The following NUFIP2 variants were observed in gnomAD, a reference collection of about 807,000 sequenced individuals.
NUFIP2 encodes nuclear FMR1 interacting protein 2, also known as FMR1-interacting protein NUFIP2.
In NUFIP2, 6 loss-of-function variants were observed where a neutral mutation model predicts 56.9. That is an observed-to-expected ratio of 0.11 (90% CI 0.06 to 0.21). The LOEUF (loss-of-function observed/expected upper bound fraction) is 0.21, where lower values mean the gene tolerates loss of function less well. Ranked by LOEUF, NUFIP2 falls within the 10% of genes least tolerant of loss-of-function variation. The probability of loss-of-function intolerance (pLI) is 1.00; values close to 1 mark genes in which losing one functional copy is unlikely to be tolerated. For missense variants in NUFIP2, 828 were observed against 826.8 expected, an observed-to-expected ratio of 1.00 and a Z score of -0.02; for synonymous variants, 321 against 298.2, an observed-to-expected ratio of 1.08 and a Z score of -0.79.
At chr17:29,290,052 T>C (rs2069201340) in intron 1 of NUFIP2, among the ~76,000 whole-genome samples, 1 of 152,044 alleles carries the variant, frequency 6.6e-6, no homozygotes, top group Non-Finnish European at 1.5e-5. Context: ...GTAGCTGGGA[T>C]TACAGGCATG....
intron 2 of NUFIP2, among the ~76,000 whole-genome samples, chr17:29,278,591 C>T (rs1248761509): frequency 1.5e-4 from 3 of 20,480 alleles, no homozygotes; most frequent in East Asian, 0.011. Context: ...AATGAAACTG[C>T]TACTACTATG....
At chr17:29,283,483 T>C (rs930901348) in intron 2 of NUFIP2, among the ~76,000 whole-genome samples, 1 of 151,956 alleles carries the variant, frequency 6.6e-6, no homozygotes. Flanking sequence ...GGACTACACA[T>C]TGTTGCCCAG....
chr17:29,274,205 G>A (rs1326329772), intron 2 of NUFIP2, among the ~76,000 whole-genome samples: 5 of 152,156 alleles, frequency 3.3e-5, no homozygotes, highest in African/African-American at 9.7e-5. Context: ...TTTTAATGAG[G>A]GCCTGTGGTG....
Position 29,294,090 on chromosome 17 carries a change from T to C in NUFIP2, c.-31A>G, listed in dbSNP as rs1394176950. ...GCGGCTGGGACTCCCTGGCTGAGGC[T>C]GCGGGCTGCTGCACCGTCAGGATCT... On this transcript the variant is annotated 5_prime_UTR_variant, in exon 1 of 4. Transcript: ENST00000225388. 1.9e-6 allele frequency: 3 copies of C among 1,568,390 alleles called. No individual in the cohort carries two copies. Among genetic ancestry groups the C allele is most frequent in the Non-Finnish European group, 2.6e-6 (3 of 1,155,762 alleles).
chr17:29,289,925 A>G (rs577484736), intron 1 of NUFIP2, among the ~76,000 whole-genome samples: 1 of 152,036 alleles, frequency 6.6e-6, no homozygotes, highest in East Asian at 1.9e-4. Context: ...TATAACAGTT[A>G]TTTTTTTTCT....
chr17:29,264,479 G>A lies in NUFIP2; in HGVS notation c.*60C>T. ...AGATCTAGGAGCATAAAAGCCTTGT[G>A]TCCCCCATGAACGATGGCTCTAATG... On this transcript the variant is annotated 3_prime_UTR_variant, in exon 4 of 4. Coordinates refer to ENST00000225388, the MANE Select transcript of NUFIP2 (RefSeq NM_020772.3). 2.6e-6 allele frequency: 3 copies of A among 1,133,522 alleles called. No individual in the cohort carries two copies. The highest frequency in any genetic ancestry group is 2.7e-5 in the South Asian group (2 of 74,978). The allele number at this position is 1,133,522 out of a possible 1,614,324, so 70.2% of individuals were successfully genotyped here.
rs1352820074 is a variant in NUFIP2 at position 29,286,269 on chromosome 17, A to C, written c.1725T>G (p.Val575=). ...TCCCAGATTTTAGAATGCTACCCAG[A>C]ACTTGAGGACTAGTCCGTTTCTCCA... The part of the protein sequence containing the change: ...YELEKRTSPQ[V]LGSILKSGTT... The change falls in exon 2 of 4, where the codon GTT becomes GTG. Residue 575 remains valine (V), a synonymous_variant. Transcript: ENST00000225388. The C allele has an allele frequency of 6.2e-7, 1 of 1,614,080 alleles. No individual in the cohort carries two copies. The highest frequency in any genetic ancestry group is 8.5e-7 in the Non-Finnish European group (1 of 1,180,052).
At chr17:29,284,706 C>CAAAAA (rs66700326) in intron 2 of NUFIP2, among the ~76,000 whole-genome samples, 4 of 53,612 alleles carry the variant, frequency 7.5e-5, no homozygotes, top group African/African-American at 1.6e-4. Flanking sequence ...GACTCCATCT[C>CAAAAA]AAAAAAAAAA....
intron 1 of NUFIP2, among the ~76,000 whole-genome samples, chr17:29,292,883 G>GA (rs1324921631): frequency 6.9e-6 from 1 of 144,552 alleles, no homozygotes; most frequent in African/African-American, 2.5e-5. Flanking sequence ...GCCGGCGACG[G>GA]GGGGGGGGGC....
rs745897195 is a variant in NUFIP2, at chr17:29,287,159, TGGGCTTCGA to T, written c.826_834del (p.Ser276_Pro278del). Reference sequence around the variant, plus strand: ...CCAGGCCCAGTTTCATACTTCCAAATGGGCTTCGAACCATCTACTCGATTTCCCTTTTGT... The same window carrying T: ...CCAGGCCCAGTTTCATACTTCCAAATACCATCTACTCGATTTCCCTTTTGT... On this transcript the variant is annotated inframe_deletion, in exon 2 of 4. Coordinates refer to ENST00000225388, the MANE Select transcript of NUFIP2 (RefSeq NM_020772.3). 5 of 1,614,210 alleles carry T rather than the reference TGGGCTTCGA, an allele frequency of 3.1e-6. No individual in the cohort carries two copies. Among genetic ancestry groups the T allele is most frequent in the Admixed American group, 1.7e-5 (1 of 60,010 alleles).
At position 29,263,439 on chromosome 17, in the gene NUFIP2, G is replaced by A. The variant is rs1313441090; in HGVS notation, c.*1100C>T. On this transcript the variant is annotated 3_prime_UTR_variant, in exon 4 of 4. Coordinates refer to ENST00000225388, the MANE Select transcript of NUFIP2 (RefSeq NM_020772.3). ...ATGAAAACACACCTTCTACAGTCAG[G>A]GTTTATTATCTTCTCACTGGCTAAA... 1 of 152,300 alleles carries A rather than the reference G, an allele frequency of 6.6e-6. No individual in the cohort carries two copies. The highest frequency in any genetic ancestry group is 1.5e-5 in the Non-Finnish European group (1 of 67,950). 9.4% of individuals were successfully genotyped at this position (152,300 alleles called of 1,614,324 possible).
At chr17:29,289,428 A>G (rs2069197504) in intron 1 of NUFIP2, among the ~76,000 whole-genome samples, 1 of 152,130 alleles carries the variant, frequency 6.6e-6, no homozygotes, top group African/African-American at 2.4e-5. Flanking sequence ...CCCCGTCTCT[A>G]CTAAAAATAC....
At chr17:29,272,387 C>G (rs1447327480) in intron 2 of NUFIP2, among the ~76,000 whole-genome samples, 1 of 151,866 alleles carries the variant, frequency 6.6e-6, no homozygotes, top group Non-Finnish European at 1.5e-5. Flanking sequence ...ACTACAGGCG[C>G]ATGCCACCAA....
chr17:29,282,539 C>T (rs1375559481), intron 2 of NUFIP2, among the ~76,000 whole-genome samples: 1 of 150,330 alleles, frequency 6.7e-6, no homozygotes, highest in Non-Finnish European at 1.5e-5. Context: ...CAGAGCAAGA[C>T]CCCATCTCAA....
At chr17:29,293,318 C>T (rs896185513) in intron 1 of NUFIP2, among the ~76,000 whole-genome samples, 2 of 151,788 alleles carry the variant, frequency 1.3e-5, no homozygotes. Flanking sequence ...CTCACCCTAC[C>T]TACCCACTCC....
At position 29,293,448 on chromosome 17, in the gene NUFIP2, T is replaced by C. The variant is rs116795398; in HGVS notation, c.277+335A>G. On this transcript the variant is annotated intron_variant, in intron 1 of 3. Coordinates refer to ENST00000225388, the MANE Select transcript of NUFIP2 (RefSeq NM_020772.3). ...TTTACCCCATCTCAGGGCCCCCAAA[T>C]TGAGGTAACTCCAGGGACGCAGGGA... 3.0e-3 allele frequency among the ~76,000 whole-genome samples: 456 copies of C among 152,122 alleles called. 1 individual carries two copies. The highest frequency in any genetic ancestry group is 0.011 in the African/African-American group (447 of 41,530).
intron 3 of NUFIP2, among the ~76,000 whole-genome samples, chr17:29,265,454 T>C (rs1244690239): frequency 4.8e-5 from 7 of 145,488 alleles, no homozygotes; most frequent in South Asian, 2.1e-4. Context: ...AGGCGCCCGC[T>C]ACCACGCCCG....
At chr17:29,282,029 T>C (rs1476677101) in intron 2 of NUFIP2, among the ~76,000 whole-genome samples, 2 of 151,766 alleles carry the variant, frequency 1.3e-5, no homozygotes, top group African/African-American at 4.8e-5. Context: ...CCCAAAGTGC[T>C]GGGATTACAG....
rs2068993653 is a variant in NUFIP2 at position 29,260,039 on chromosome 17, C to T, written c.*4500G>A. ...TTTTCACCATGAAAGAATCTTGGTGCTCTGTTGATTAATTACATTAGTAAA... is the reference window on the plus strand; with the variant it reads ...TTTTCACCATGAAAGAATCTTGGTGTTCTGTTGATTAATTACATTAGTAAA... On this transcript the variant is annotated 3_prime_UTR_variant, in exon 4 of 4. Transcript: ENST00000225388. The T allele has an allele frequency of 6.6e-6, 1 of 152,166 alleles. No individual in the cohort carries two copies. The highest frequency in any genetic ancestry group is 6.5e-5 in the Admixed American group (1 of 15,288). The allele number at this position is 152,166 out of a possible 1,614,324, so 9.4% of individuals were successfully genotyped here.
Sources: gnomAD v4.1 joint callset for allele counts (sites outside exome capture counted in the v4.1 genomes callset) on GRCh38, gnomAD v4.1.1 for gene constraint, MANE v1.5 for transcripts, NCBI Gene and HGNC (gene_info 2026-07-23, HGNC 2026-07-21) for gene names.